Variants in PREX2 observed in about 807,000 individuals in gnomAD.
PREX2 encodes phosphatidylinositol 3,4,5-trisphosphate-dependent Rac exchanger 2 protein.
Under a neutral mutation model 203.2 loss-of-function variants are expected in PREX2, and 107 were observed. The ratio of observed to expected loss-of-function variants is 0.53; its 90% CI spans 0.45 to 0.62. The LOEUF (loss-of-function observed/expected upper bound fraction) is 0.62. Ranked by LOEUF, PREX2 falls within the 20% of genes least tolerant of loss-of-function variation. The pLI is 0.00. For synonymous variants in PREX2, 672 were observed against 663.6 expected (o/e 1.01, Z -0.19); for missense variants, 1,777 against 1,955.9 (o/e 0.91, Z 1.72).
At chr8:68,203,501 T>A (rs193012508) in intron 37 of PREX2, among the ~76,000 whole-genome samples, 60 of 152,164 alleles carry the variant, frequency 3.9e-4, no homozygotes, top group African/African-American at 1.4e-3. Flanking sequence ...GAAAGGGGGA[T>A]CATGGCAGAG....
intron 13 of PREX2, 116 bp from the exon 14 acceptor site, chr8:68,072,379 A>G (rs1233831161): frequency 3.6e-6 from 2 of 559,728 alleles, no homozygotes; most frequent in East Asian, 6.0e-5. Context: ...CTCAGGTTAC[A>G]GTGGTAAACT....
intron 35 of PREX2, among the ~76,000 whole-genome samples, 192 bp from the exon 36 acceptor site, chr8:68,191,530 A>G (rs1335351563): frequency 6.6e-6 from 1 of 152,102 alleles, no homozygotes; most frequent in Non-Finnish European, 1.5e-5. Flanking sequence ...TTTCTAATAG[A>G]CCCGGTGGTA....
rs923552753 is a variant in PREX2, at chr8:68,084,295, T to C, written c.2027+907T>C. Among the ~76,000 whole-genome samples the C allele has an allele frequency of 5.9e-5, 9 of 152,184 alleles. No individual in the cohort carries two copies. The South Asian group carries it at 6.2e-4, about 11-fold the overall frequency. ...TCATTTGTCAATCATGATAAGCAAC[T>C]TCATTAGTTTTAAAGCAAATGAAAT... On this transcript the variant is annotated intron_variant, in intron 18 of 39. Coordinates refer to ENST00000288368, the MANE Select transcript of PREX2 (RefSeq NM_024870.4).
chr8:68,167,404 G>T (rs995346903), intron 35 of PREX2, among the ~76,000 whole-genome samples: 1 of 151,380 alleles, frequency 6.6e-6, no homozygotes, highest in African/African-American at 2.4e-5. Context: ...TGCAATCTTG[G>T]CTCGCTATAA....
intron 1 of PREX2, among the ~76,000 whole-genome samples, chr8:67,982,105 G>A (rs1806289829): frequency 6.6e-6 from 1 of 152,170 alleles, no homozygotes; most frequent in Non-Finnish European, 1.5e-5. Context: ...GGAAAGTTAT[G>A]TAATAGCTTT....
rs1184379163 is a variant in PREX2, at chr8:68,206,740, G to GA, written c.4605-10870dup. On this transcript the variant is annotated intron_variant, in intron 37 of 39. Transcript: ENST00000288368. ...GCTCATCCATTTATTTGTTGAGCAA[G>GA]AAAAAACTGTGGAGCACTGCTATGT... Among the ~76,000 whole-genome samples, 4 of 152,292 alleles carry GA rather than the reference G, an allele frequency of 2.6e-5. No individual in the cohort carries two copies. The East Asian group carries it at 7.7e-4, about 29-fold the overall frequency.
At chr8:68,129,350 T>C (rs1563558299) in intron 31 of PREX2, among the ~76,000 whole-genome samples, 1 of 152,180 alleles carries the variant, frequency 6.6e-6, no homozygotes, top group South Asian at 2.1e-4. Flanking sequence ...TTCAATTTTA[T>C]TTTTCTATTC....
intron 1 of PREX2, among the ~76,000 whole-genome samples, chr8:67,971,997 A>C (rs1805939599): frequency 6.6e-6 from 1 of 152,250 alleles, no homozygotes; most frequent in Non-Finnish European, 1.5e-5. Context: ...ATTATTTTCT[A>C]AGTGCCAATT....
At chr8:68,198,793 A>G (rs1339137836) in intron 37 of PREX2, among the ~76,000 whole-genome samples, 1 of 152,194 alleles carries the variant, frequency 6.6e-6, no homozygotes, top group Non-Finnish European at 1.5e-5. Context: ...CTGGAATCAC[A>G]GTTTTCCCCT....
At chr8:68,142,872 A>G (rs1461335814) in intron 33 of PREX2, among the ~76,000 whole-genome samples, 1 of 152,138 alleles carries the variant, frequency 6.6e-6, no homozygotes, top group Admixed American at 6.5e-5. Context: ...TTATATCATG[A>G]AATTTATTTT....
chr8:68,118,893 A>G (rs1810711811), intron 27 of PREX2: 3 of 625,150 alleles, frequency 4.8e-6, no homozygotes, highest in Admixed American at 3.7e-5. Context: ...ATGCTCCATT[A>G]TCTCTGTATG....
intron 37 of PREX2, among the ~76,000 whole-genome samples, chr8:68,209,438 A>G (rs1812704214): frequency 6.6e-6 from 1 of 152,200 alleles, no homozygotes; most frequent in East Asian, 1.9e-4. Flanking sequence ...TAAGATTCTA[A>G]ATATAAATCT....
At chr8:68,064,582 T>G (rs1808961669) in intron 11 of PREX2, among the ~76,000 whole-genome samples, 1 of 151,980 alleles carries the variant, frequency 6.6e-6, no homozygotes. Flanking sequence ...CTTGTTATGT[T>G]GACCAGGTTG....
chr8:68,134,386 T>C, intron 32 of PREX2, 110 bp downstream of exon 32: 8 of 842,750 alleles, frequency 9.5e-6, no homozygotes, highest in Non-Finnish European at 1.5e-5. Context: ...TCTATGAATG[T>C]GCGTGCATTC....
intron 25 of PREX2, 117 bp downstream of exon 25, chr8:68,109,740 A>G (rs759470128): frequency 3.8e-6 from 3 of 789,698 alleles, no homozygotes; most frequent in Non-Finnish European, 6.2e-6. Context: ...ATTTGTGCTG[A>G]TTATATAGAT....
intron 3 of PREX2, among the ~76,000 whole-genome samples, chr8:68,020,884 AT>A (rs946518033): frequency 6.6e-6 from 1 of 152,004 alleles, no homozygotes; most frequent in Non-Finnish European, 1.5e-5. Flanking sequence ...TCTGAAGTTT[AT>A]TTTTTTTCTG....
At chr8:68,161,421 T>G (rs1811651669) in intron 35 of PREX2, among the ~76,000 whole-genome samples, 1 of 152,118 alleles carries the variant, frequency 6.6e-6, no homozygotes, top group African/African-American at 2.4e-5. Context: ...AGCAGAACAA[T>G]GCTCTAAGAA....
chr8:67,953,280 G>C (rs528170046), intron 1 of PREX2, among the ~76,000 whole-genome samples: 3 of 150,974 alleles, frequency 2.0e-5, no homozygotes, highest in African/African-American at 7.3e-5. Flanking sequence ...CTTCGTGGAA[G>C]TGGGGATGTA....
At chr8:67,998,687 T>C (rs1346465264) in intron 1 of PREX2, among the ~76,000 whole-genome samples, 1 of 152,194 alleles carries the variant, frequency 6.6e-6, no homozygotes. Flanking sequence ...GGAGGGTTGC[T>C]TGAGCCCAGG....
Sources: gnomAD v4.1 joint callset for allele counts (sites outside exome capture counted in the v4.1 genomes callset) on GRCh38, gnomAD v4.1.1 for gene constraint, MANE v1.5 for transcripts, NCBI Gene and HGNC (gene_info 2026-07-23, HGNC 2026-07-21) for gene names.